Variants in TDRD5 observed in about 807,000 individuals in gnomAD.
TDRD5 encodes tudor domain-containing protein 5.
Under a neutral mutation model 120.6 loss-of-function variants are expected in TDRD5, and 41 were observed. The observed-to-expected ratio is 0.34, with a 90% CI of 0.26 to 0.44. The LOEUF (loss-of-function observed/expected upper bound fraction) is 0.44. Among genes scored for constraint, TDRD5 ranks in the 20% least tolerant of loss-of-function variants. TDRD5 has a pLI of 1.00. For synonymous variants in TDRD5, 430 were observed against 433.7 expected, an observed-to-expected ratio of 0.99 and a Z score of 0.11; for missense variants, 1,006 against 1,221.2, an observed-to-expected ratio of 0.82 and a Z score of 2.63.
chr1:179,667,927 G>A (rs909721159), intron 16 of TDRD5, among the ~76,000 whole-genome samples: 4 of 152,186 alleles, frequency 2.6e-5, no homozygotes, highest in African/African-American at 4.8e-5. Context: ...TGATGCATAT[G>A]AGCCAGAAAA....
intron 7 of TDRD5, 125 bp downstream of exon 7, chr1:179,631,045 G>C: frequency 1.0e-6 from 1 of 991,104 alleles, no homozygotes; most frequent in Non-Finnish European, 1.5e-6. Context: ...GGTGGTATTT[G>C]TTGTAATAAG....
chr1:179,630,705 T>C, intron 6 of TDRD5, 62 bp from the exon 7 acceptor site: 2 of 1,535,920 alleles, frequency 1.3e-6, no homozygotes, highest in South Asian at 1.2e-5. Flanking sequence ...CAAGGACAAC[T>C]ATATATGTTA....
intron 8 of TDRD5, among the ~76,000 whole-genome samples, chr1:179,635,145 GAA>G (rs1448199580): frequency 1.3e-5 from 2 of 152,070 alleles, no homozygotes; most frequent in South Asian, 4.1e-4. Context: ...TTCATGGAAG[GAA>G]AAAGTTTTGT....
chr1:179,602,098 A>G (rs4356008), intron 4 of TDRD5, among the ~76,000 whole-genome samples: 38 of 152,258 alleles, frequency 2.5e-4, no homozygotes, highest in African/African-American at 9.1e-4. Flanking sequence ...AAGCCACCGT[A>G]CCTGGCCTAC....
chr1:179,604,019 T>G (rs1675846356), intron 4 of TDRD5, among the ~76,000 whole-genome samples: 1 of 152,150 alleles, frequency 6.6e-6, no homozygotes, highest in Non-Finnish European at 1.5e-5. Context: ...GACTTTTTTT[T>G]GTTGGTAATT....
chr1:179,630,950 T>C, intron 7 of TDRD5, 30 bp downstream of exon 7: 1 of 1,585,834 alleles, frequency 6.3e-7, no homozygotes, highest in Non-Finnish European at 8.6e-7. Context: ...GATGCAAACC[T>C]CATTTTTATT....
intron 2 of TDRD5, 120 bp downstream of exon 2, chr1:179,592,967 G>T: frequency 2.9e-6 from 3 of 1,041,872 alleles, no homozygotes; most frequent in Non-Finnish European, 2.7e-6. Context: ...TTTGGTGGGG[G>T]AGGGAGACTC....
chr1:179,615,016 A>G (rs1463805253), intron 4 of TDRD5, among the ~76,000 whole-genome samples: 1 of 152,074 alleles, frequency 6.6e-6, no homozygotes, highest in East Asian at 1.9e-4. Flanking sequence ...CCTTTGGCCA[A>G]TGTCTTCTCA....
At chr1:179,670,264 C>A (rs1679788711) in intron 17 of TDRD5, among the ~76,000 whole-genome samples, 1 of 151,988 alleles carries the variant, frequency 6.6e-6, no homozygotes, top group Non-Finnish European at 1.5e-5. Flanking sequence ...GTGTCAGGAG[C>A]CTGTAATCCC....
In TDRD5 at chr1:179,652,185, G is replaced by A. The variant is rs768638971; in HGVS notation, c.2148G>A (p.Glu716=). 1.9e-6 allele frequency: 3 copies of A among 1,603,454 alleles called. No homozygotes were observed. Among genetic ancestry groups the A allele is most frequent in the East Asian group, 2.2e-5 (1 of 44,708 alleles). Residue 716 remains glutamate, a synonymous_variant, in exon 13 of 18, where the codon GAG becomes GAA. Transcript: ENST00000444136. ...RKISPQSKES[E]LRILQDINDE... ...TAAGTCCACAGTCAAAAGAGAGTGA[G>A]TTACGTATCTTGGTAAGAGATTTTT...
chr1:179,626,950 G>A lies in TDRD5; in HGVS notation c.973-3817G>A, dbSNP rs575303711. ...GTTTTGAAGAGCACACTGCATATCT[G>A]ACAATATCAACTCAGAATGACCAAT... On this transcript the variant is annotated intron_variant, in intron 6 of 17. Transcript: ENST00000444136. Among the ~76,000 whole-genome samples, 4 of 152,146 alleles carry A rather than the reference G, an allele frequency of 2.6e-5. No individual in the cohort carries two copies. In the South Asian group the frequency reaches 8.3e-4, roughly 32 times the overall value.
At chr1:179,631,068 T>C (rs941192239) in intron 7 of TDRD5, 148 bp downstream of exon 7, 1 of 901,374 alleles carries the variant, frequency 1.1e-6, no homozygotes. Context: ...TAATCTGTAT[T>C]GTTAATAAAA....
chr1:179,595,497 C>A, intron 3 of TDRD5, 131 bp from the exon 4 acceptor site: 1 of 708,478 alleles, frequency 1.4e-6, no homozygotes, highest in Non-Finnish European at 2.2e-6. Flanking sequence ...AAAATGTCAG[C>A]TTTCTTTTCT....
At position 179,593,802 on chromosome 1, in the gene TDRD5, G is replaced by C. The variant is rs934831051; in HGVS notation, c.575G>C (p.Arg192Thr). The change falls in exon 3 of 18, where the codon AGA (arginine) becomes ACA (threonine). Residue 192 changes from arginine (R) to threonine (T), a missense_variant. Transcript: ENST00000444136. ...GATGTCATTTCTGTAGAGCAGACCAGAGCAGGTTCTTTGTTGATGCTAAAG... is the reference window on the plus strand; with the variant it reads ...GATGTCATTTCTGTAGAGCAGACCACAGCAGGTTCTTTGTTGATGCTAAAG... Reference protein sequence around the residue: ...ASDVISVEQTRAGSLLMLKKS... With the variant: ...ASDVISVEQTTAGSLLMLKKS... 2 of 1,614,234 alleles carry C rather than the reference G, an allele frequency of 1.2e-6. No homozygotes were observed. Among genetic ancestry groups the C allele is most frequent in the Non-Finnish European group, 1.7e-6 (2 of 1,180,050 alleles).
chr1:179,681,947 T>C (rs1217217600), intron 17 of TDRD5, among the ~76,000 whole-genome samples: 1 of 962 alleles, frequency 1.0e-3, no homozygotes, highest in African/African-American at 4.2e-3. Flanking sequence ...TCTTTTTTTT[T>C]TTTTTTTTTT....
chr1:179,592,561 T>G, intron 1 of TDRD5, 41 bp from the exon 2 acceptor site: 1 of 1,499,502 alleles, frequency 6.7e-7, no homozygotes, highest in Non-Finnish European at 9.2e-7. Context: ...TCTTTTTTCG[T>G]GGGTTTGCCC....
Position 179,615,285 on chromosome 1 carries a change from T to G in TDRD5, c.832-3314T>G, listed in dbSNP as rs115387954. ...GCACATAGTATGATCTCAATACCTATTTGTTGAATGAGTAAGTGGGTATTT... is the reference window on the plus strand; with the variant it reads ...GCACATAGTATGATCTCAATACCTAGTTGTTGAATGAGTAAGTGGGTATTT... On this transcript the variant is annotated intron_variant, in intron 4 of 17. Transcript: ENST00000444136. Among the ~76,000 whole-genome samples, 526 of 152,014 alleles carry G rather than the reference T, an allele frequency of 3.5e-3. 4 individuals carry two copies. The highest frequency in any genetic ancestry group is 0.012 in the African/African-American group (500 of 41,302).
At position 179,651,074 on chromosome 1, in the gene TDRD5, C is replaced by G; in HGVS notation, c.2001+7C>G. 6.2e-7 allele frequency: 1 copy of G among 1,613,654 alleles called. No individual in the cohort carries two copies. Among genetic ancestry groups the G allele is most frequent in the African/African-American group, 1.3e-5 (1 of 75,008 alleles). On this transcript the variant is annotated splice_region_variant and intron_variant, in intron 12 of 17. Transcript: ENST00000444136. The stretch of plus-strand genomic sequence containing the variant: ...AGAAAATATCTCTTCTAAGGTGGAG[C>G]AGTCTGGATGTATTTTGTAATATAT...
At chr1:179,659,549 TCG>T (rs1558413193) in intron 14 of TDRD5, among the ~76,000 whole-genome samples, 3 of 113,696 alleles carry the variant, frequency 2.6e-5, no homozygotes, top group East Asian at 2.6e-4. Flanking sequence ...ATTCCAGTTT[TCG>T]TGTGTGTGTG....
Sources: gnomAD v4.1 joint callset for allele counts (sites outside exome capture counted in the v4.1 genomes callset) on GRCh38, gnomAD v4.1.1 for gene constraint, MANE v1.5 for transcripts, NCBI Gene and HGNC (gene_info 2026-07-23, HGNC 2026-07-21) for gene names.